PTGFRN: variants seen among roughly 807,000 people sequenced by gnomAD.
The protein encoded by PTGFRN is prostaglandin F2 receptor negative regulator.
In PTGFRN, 35 loss-of-function variants were observed where a neutral mutation model predicts 83.2. The ratio of observed to expected loss-of-function variants is 0.42; its 90% CI spans 0.32 to 0.56. The LOEUF (loss-of-function observed/expected upper bound fraction) is 0.56, where lower values mean the gene tolerates loss of function less well. Ranked by LOEUF, PTGFRN falls within the 20% of genes least tolerant of loss-of-function variation. The pLI is 0.11. For missense variants in PTGFRN, 1,051 were observed against 1,179.5 expected, an observed-to-expected ratio of 0.89 and a Z score of 1.60; for synonymous variants, 519 against 498.6, an observed-to-expected ratio of 1.04 and a Z score of -0.55.
intron 1 of PTGFRN, among the ~76,000 whole-genome samples, chr1:116,925,232 AC>A (rs1236490994): frequency 6.6e-6 from 1 of 152,044 alleles, no homozygotes; most frequent in Non-Finnish European, 1.5e-5. Flanking sequence ...GTTCGAGACC[AC>A]CCTGGCCAAC....
At chr1:116,966,856 T>A in intron 5 of PTGFRN, 55 bp from the exon 6 acceptor site, 1 of 1,513,438 alleles carries the variant, frequency 6.6e-7, no homozygotes. Flanking sequence ...TTTAGTTGCA[T>A]TTTTATTTTA....
Position 116,941,392 on chromosome 1 carries a change from C to G in PTGFRN, c.50-323C>G, listed in dbSNP as rs995371567. On this transcript the variant is annotated intron_variant, in intron 1 of 8. Coordinates refer to ENST00000393203, the MANE Select transcript of PTGFRN (RefSeq NM_020440.4). This position sits in a 1 kb window ranked among gnomAD's most constrained non-coding sequence, Gnocchi z 5.0. ...CACAAAACCTAAAATATTTTTACAT[C>G]ACATGGAGTGGTTAGGGTGTGTTAA... 5.3e-5 allele frequency among the ~76,000 whole-genome samples: 8 copies of G among 152,090 alleles called. No homozygotes were observed. The highest frequency in any genetic ancestry group is 1.9e-4 in the African/African-American group (8 of 41,404).
At chr1:116,974,685 C>T (rs1651095294) in intron 7 of PTGFRN, among the ~76,000 whole-genome samples, 1 of 152,152 alleles carries the variant, frequency 6.6e-6, no homozygotes, top group African/African-American at 2.4e-5. Flanking sequence ...CTTTGGTATA[C>T]AAGTGCTGCT....
At chr1:116,951,259 T>TA (rs1650339453) in intron 4 of PTGFRN, among the ~76,000 whole-genome samples, 1 of 152,244 alleles carries the variant, frequency 6.6e-6, no homozygotes, top group Non-Finnish European at 1.5e-5. Context: ...TGGGCTCCTT[T>TA]AACTGGAAGG....
chr1:116,955,648 C>T (rs545012722), intron 4 of PTGFRN, among the ~76,000 whole-genome samples: 1 of 152,270 alleles, frequency 6.6e-6, no homozygotes, highest in South Asian at 2.1e-4. Flanking sequence ...CAGAATGTAG[C>T]AGTAATCAGT....
At chr1:116,938,429 T>C (rs942925782) in intron 1 of PTGFRN, among the ~76,000 whole-genome samples, 6 of 152,176 alleles carry the variant, frequency 3.9e-5, no homozygotes, top group African/African-American at 1.4e-4. Context: ...TGACATCTTA[T>C]GTGGATGGCG....
intron 1 of PTGFRN, among the ~76,000 whole-genome samples, chr1:116,931,670 T>C (rs1457315125): frequency 6.6e-6 from 1 of 152,150 alleles, no homozygotes; most frequent in East Asian, 1.9e-4. Flanking sequence ...AGATGAAAGT[T>C]GGCATGATCC....
intron 1 of PTGFRN, among the ~76,000 whole-genome samples, chr1:116,935,189 CT>C (rs893988361): frequency 2.6e-5 from 4 of 152,148 alleles, no homozygotes; most frequent in African/African-American, 9.7e-5. Flanking sequence ...CTGCTGTTGC[CT>C]TTTTTTCGTA....
chr1:116,910,039 C>A lies in PTGFRN; in HGVS notation c.-165C>A. On this transcript the variant is annotated 5_prime_UTR_variant, in exon 1 of 9. Transcript: ENST00000393203. ...GGGAGCGAGCGGAGCCAGGGGCGCA[C>A]GTACGCCCCAGCGCTGGGATTTATC... 2 of 776,044 alleles carry A rather than the reference C, an allele frequency of 2.6e-6. No homozygotes were observed. Among genetic ancestry groups the A allele is most frequent in the Non-Finnish European group, 2.1e-6 (1 of 469,278 alleles). The allele number at this position is 776,044 out of a possible 1,614,324, so 48.1% of individuals were successfully genotyped here. A position where few individuals can be genotyped will look rare whatever the true frequency, so the allele number is the denominator to read the frequency against.
chr1:116,961,677 T>C lies in PTGFRN; in HGVS notation c.1639+9T>C, dbSNP rs928198210. ...ATTTTGGGCATTAGAAGGTAGGAAC[T>C]TTTTTCTTGTTATTCATTTTTGTTT... On this transcript the variant is annotated intron_variant, in intron 5 of 8. Transcript: ENST00000393203. The surrounding 1 kb of genome is among the most constrained non-coding windows in gnomAD (Gnocchi z 5.4). 6.3e-7 allele frequency: 1 copy of C among 1,591,510 alleles called. No individual in the cohort carries two copies. Among genetic ancestry groups the C allele is most frequent in the African/African-American group, 1.4e-5 (1 of 73,762 alleles).
chr1:116,933,672 T>C (rs1649853452), intron 1 of PTGFRN, among the ~76,000 whole-genome samples: 1 of 152,200 alleles, frequency 6.6e-6, no homozygotes, highest in African/African-American at 2.4e-5. Context: ...ATGTTTATGT[T>C]GCCTTCCTAT....
chr1:116,914,383 T>C (rs760055668), intron 1 of PTGFRN, among the ~76,000 whole-genome samples: 2 of 152,170 alleles, frequency 1.3e-5, no homozygotes, highest in African/African-American at 2.4e-5. Flanking sequence ...CCAGCTACTA[T>C]GGAAGAAGGG....
chr1:116,964,948 G>A (rs1351732604), intron 5 of PTGFRN, among the ~76,000 whole-genome samples: 1 of 152,206 alleles, frequency 6.6e-6, no homozygotes, highest in Non-Finnish European at 1.5e-5. Context: ...ACAGCAGCTG[G>A]AACAATCCTG....
At chr1:116,946,295 T>C (rs922687737) in intron 3 of PTGFRN, among the ~76,000 whole-genome samples, 3 of 152,060 alleles carry the variant, frequency 2.0e-5, no homozygotes, top group African/African-American at 7.2e-5. Flanking sequence ...TTTGGAAAAG[T>C]GGGTGGTGGA....
chr1:116,973,604 CAAAAA>C (rs547665093), intron 6 of PTGFRN, among the ~76,000 whole-genome samples: 1 of 107,144 alleles, frequency 9.3e-6, no homozygotes, highest in Non-Finnish European at 1.9e-5. Context: ...GACTCAATCT[CAAAAA>C]AAAAAAAAAA....
chr1:116,945,240 AGG>A (rs1368763236), intron 3 of PTGFRN, 148 bp downstream of exon 3: 6 of 1,066,536 alleles, frequency 5.6e-6, no homozygotes, highest in Non-Finnish European at 7.8e-6. Flanking sequence ...TGAAGGGAGT[AGG>A]GTGTTGAGAG....
intron 1 of PTGFRN, among the ~76,000 whole-genome samples, chr1:116,921,260 G>A (rs189196945): frequency 8.5e-4 from 130 of 152,308 alleles, no homozygotes; most frequent in African/African-American, 2.8e-3. Context: ...TATCCCTTTA[G>A]GATGTACTGA....
intron 6 of PTGFRN, among the ~76,000 whole-genome samples, chr1:116,972,565 A>G (rs1275461664): frequency 2.0e-5 from 3 of 152,240 alleles, no homozygotes; most frequent in Non-Finnish European, 4.4e-5. Context: ...TTTAAAAAAG[A>G]TACTTTAGGA....
At chr1:116,980,146 A>T (rs1651272693) in intron 7 of PTGFRN, among the ~76,000 whole-genome samples, 1 of 151,774 alleles carries the variant, frequency 6.6e-6, no homozygotes, top group Admixed American at 6.5e-5. Context: ...GAGAAATGCA[A>T]ATCAAAACCA....
Sources: gnomAD v4.1 joint callset for allele counts (sites outside exome capture counted in the v4.1 genomes callset) on GRCh38, gnomAD v4.1.1 for gene constraint, Gnocchi (gnomAD v3.1) non-coding constraint, MANE v1.5 for transcripts, NCBI Gene and HGNC (gene_info 2026-07-23, HGNC 2026-07-21) for gene names.